Variants in CNTNAP2 observed in about 807,000 individuals in gnomAD.
The protein encoded by CNTNAP2 is contactin-associated protein-like 2.
CNTNAP2 carries 98 observed loss-of-function variants against 155.2 expected under a neutral mutation model. The observed-to-expected ratio is 0.63, with a 90% CI of 0.54 to 0.75. CNTNAP2 has a LOEUF of 0.75. Ranked by LOEUF, CNTNAP2 falls within the 30% of genes least tolerant of loss-of-function variation. The pLI is 0.00. For missense variants in CNTNAP2, 1,727 were observed against 1,688.1 expected, an observed-to-expected ratio of 1.02 and a Z score of -0.40; for synonymous variants, 651 against 631.2, an observed-to-expected ratio of 1.03 and a Z score of -0.47.
intron 18 of CNTNAP2, among the ~76,000 whole-genome samples, chr7:148,201,046 A>G (rs1795362209): frequency 2.0e-5 from 3 of 152,238 alleles, no homozygotes; most frequent in South Asian, 2.1e-4. Flanking sequence ...AGGTGCAGAA[A>G]TTCATCATCT....
Position 147,746,183 on chromosome 7 carries a change from T to G in CNTNAP2, c.2098+106877T>G, listed in dbSNP as rs551343679. 2.6e-5 allele frequency among the ~76,000 whole-genome samples: 4 copies of G among 152,236 alleles called. No individual in the cohort carries two copies. The East Asian group carries it at 7.7e-4, about 29-fold the overall frequency. On this transcript the variant is annotated intron_variant, in intron 13 of 23. Coordinates refer to ENST00000361727, the MANE Select transcript of CNTNAP2 (RefSeq NM_014141.6). Reference sequence around the variant, plus strand: ...TGCAGGTCTATAGTAGTGACAATGATTAAAACTTGGGATAAAGCAGAAGAG... The same window carrying G: ...TGCAGGTCTATAGTAGTGACAATGAGTAAAACTTGGGATAAAGCAGAAGAG...
chr7:148,034,758 T>G (rs1802542013), intron 15 of CNTNAP2, among the ~76,000 whole-genome samples: 1 of 152,214 alleles, frequency 6.6e-6, no homozygotes, highest in African/African-American at 2.4e-5. Context: ...TGCATTGCTA[T>G]GAACAGAACA....
At chr7:147,644,827 A>G (rs1392719053) in intron 13 of CNTNAP2, among the ~76,000 whole-genome samples, 3 of 152,162 alleles carry the variant, frequency 2.0e-5, no homozygotes, top group African/African-American at 7.2e-5. Context: ...TCATATATTT[A>G]TTTTACAAAT....
intron 11 of CNTNAP2, among the ~76,000 whole-genome samples, chr7:147,535,735 A>C (rs1799527258): frequency 6.6e-6 from 1 of 152,170 alleles, no homozygotes; most frequent in Non-Finnish European, 1.5e-5. Context: ...TGTGAGTGGA[A>C]GATGGGGAGG....
chr7:148,202,855 G>A (rs1241184682), intron 18 of CNTNAP2, among the ~76,000 whole-genome samples: 1 of 152,158 alleles, frequency 6.6e-6, no homozygotes, highest in Non-Finnish European at 1.5e-5. Context: ...GCTCTGTGTA[G>A]TCATACAACA....
chr7:146,634,784 T>G (rs2129159592), intron 1 of CNTNAP2, among the ~76,000 whole-genome samples: 1 of 152,308 alleles, frequency 6.6e-6, no homozygotes, highest in South Asian at 2.1e-4. Flanking sequence ...GGCACTTATA[T>G]GTGTCAAGAA....
At chr7:148,378,789 G>GT (rs1265035388) in intron 21 of CNTNAP2, among the ~76,000 whole-genome samples, 1 of 66,986 alleles carries the variant, frequency 1.5e-5, no homozygotes, top group African/African-American at 3.7e-5. Context: ...AAAATAGCAA[G>GT]TATTGGCACC....
intron 15 of CNTNAP2, among the ~76,000 whole-genome samples, chr7:148,055,899 T>C (rs1023956296): frequency 6.6e-6 from 1 of 152,210 alleles, no homozygotes; most frequent in Non-Finnish European, 1.5e-5. Flanking sequence ...ATAGCCTTGA[T>C]AACCTGGCCA....
chr7:147,166,448 G>A (rs960524825), intron 8 of CNTNAP2, among the ~76,000 whole-genome samples: 11 of 152,080 alleles, frequency 7.2e-5, no homozygotes, highest in Non-Finnish European at 1.3e-4. Context: ...AGTGTATACC[G>A]CTCGGGTGAT....
At chr7:146,175,343 T>G (rs1798455366) in intron 1 of CNTNAP2, among the ~76,000 whole-genome samples, 1 of 152,214 alleles carries the variant, frequency 6.6e-6, no homozygotes, top group Admixed American at 6.5e-5. Context: ...TTGAAGCCAC[T>G]GCAAGGTATT....
chr7:147,972,754 G>T (rs1390913216), intron 14 of CNTNAP2, among the ~76,000 whole-genome samples: 1 of 152,152 alleles, frequency 6.6e-6, no homozygotes, highest in Non-Finnish European at 1.5e-5. Flanking sequence ...AATAGTTACT[G>T]AATATCTCCC....
At chr7:147,800,167 C>T (rs1418754764) in intron 13 of CNTNAP2, among the ~76,000 whole-genome samples, 1 of 152,048 alleles carries the variant, frequency 6.6e-6, no homozygotes, top group African/African-American at 2.4e-5. Flanking sequence ...GTCTATACTC[C>T]CAAGTGTCAG....
chr7:146,630,851 G>C (rs1043715805), intron 1 of CNTNAP2, among the ~76,000 whole-genome samples: 1 of 151,958 alleles, frequency 6.6e-6, no homozygotes, highest in Non-Finnish European at 1.5e-5. Context: ...CAACTTAAAA[G>C]GGATGTGAAA....
chr7:147,584,619 G>T (rs772084878), intron 12 of CNTNAP2, among the ~76,000 whole-genome samples: 14 of 152,190 alleles, frequency 9.2e-5, no homozygotes, highest in Non-Finnish European at 2.1e-4. Flanking sequence ...ATACAAATTT[G>T]TGTAGATAAG....
chr7:148,274,699 C>G (rs537987761), intron 21 of CNTNAP2, among the ~76,000 whole-genome samples: 19 of 152,326 alleles, frequency 1.2e-4, no homozygotes, highest in African/African-American at 4.1e-4. Context: ...GATGCCAGTG[C>G]TGTGCCTCCT....
chr7:147,501,914 C>G (rs1328048743), intron 11 of CNTNAP2, among the ~76,000 whole-genome samples: 1 of 152,136 alleles, frequency 6.6e-6, no homozygotes. Context: ...AGTTTTGTTT[C>G]TATACACTAC....
chr7:147,583,222 A>G (rs1487873403), intron 12 of CNTNAP2, among the ~76,000 whole-genome samples: 1 of 152,032 alleles, frequency 6.6e-6, no homozygotes, highest in Non-Finnish European at 1.5e-5. Context: ...TAACTACTGC[A>G]TCCTCTCTCT....
In CNTNAP2 at chr7:148,092,203, C is replaced by T. The variant is rs147871073; in HGVS notation, c.2384-25915C>T. 2.0e-3 allele frequency among the ~76,000 whole-genome samples: 309 copies of T among 152,276 alleles called. 2 individuals carry two copies. The highest frequency in any genetic ancestry group is 7.0e-3 in the African/African-American group (291 of 41,562). ...GGGAGCAGGTTTCCTAATTCTTCCA[C>T]GACATTTGTTGGTTAAATGTTGACC... is the stretch of plus-strand genomic sequence containing the variant. On this transcript the variant is annotated intron_variant, in intron 15 of 23. Coordinates refer to ENST00000361727, the MANE Select transcript of CNTNAP2 (RefSeq NM_014141.6).
chr7:147,866,393 C>T (rs1237016821), intron 13 of CNTNAP2, among the ~76,000 whole-genome samples: 1 of 152,116 alleles, frequency 6.6e-6, no homozygotes, highest in Non-Finnish European at 1.5e-5. Context: ...AATGTGTATT[C>T]TGTTGATTTG....
Sources: gnomAD v4.1 joint callset for allele counts (sites outside exome capture counted in the v4.1 genomes callset) on GRCh38, gnomAD v4.1.1 for gene constraint, MANE v1.5 for transcripts, NCBI Gene and HGNC (gene_info 2026-07-23, HGNC 2026-07-21) for gene names.